Variants in ASB3 observed in about 807,000 individuals in gnomAD.
The protein encoded by ASB3 is ankyrin repeat and SOCS box protein 3.
In ASB3, 41 loss-of-function variants were observed where a neutral mutation model predicts 54.5. That is an observed-to-expected ratio of 0.75 (90% CI 0.59 to 0.98). ASB3 has a LOEUF of 0.98. Ranked by LOEUF, ASB3 falls within the 50% of genes least tolerant of loss-of-function variation. ASB3 has a pLI of 0.00. For synonymous variants in ASB3, 266 were observed against 221.2 expected (o/e 1.20, Z -1.80); for missense variants, 733 against 620.0 (o/e 1.18, Z -1.94).
chr2:53,721,212 G>C (rs1049797678), intron 5 of ASB3, among the ~76,000 whole-genome samples: 4 of 151,250 alleles, frequency 2.6e-5, no homozygotes, highest in Non-Finnish European at 5.9e-5. Flanking sequence ...AATAAAAATA[G>C]AAATCAATAC....
intron 8 of ASB3, among the ~76,000 whole-genome samples, chr2:53,697,690 C>T (rs549767001): frequency 2.0e-5 from 3 of 152,294 alleles, no homozygotes; most frequent in Admixed American, 6.5e-5. Flanking sequence ...GGAGACATAT[C>T]CAAGAAGCAA....
intron 2 of ASB3, among the ~76,000 whole-genome samples, chr2:53,755,964 A>G (rs951018011): frequency 1.3e-5 from 2 of 150,234 alleles, no homozygotes; most frequent in African/African-American, 4.9e-5. Flanking sequence ...ACCAACCTGG[A>G]CAAAATAGTA....
At chr2:53,780,566 G>A (rs1674589216) in intron 1 of ASB3, among the ~76,000 whole-genome samples, 1 of 152,120 alleles carries the variant, frequency 6.6e-6, no homozygotes, top group Non-Finnish European at 1.5e-5. Flanking sequence ...ATCACTTGAA[G>A]TCAGTAGTTT....
At chr2:53,686,651 C>T (rs1476993733) in intron 9 of ASB3, among the ~76,000 whole-genome samples, 1 of 140,816 alleles carries the variant, frequency 7.1e-6, no homozygotes, top group East Asian at 2.6e-4. Flanking sequence ...TGATCTCATA[C>T]TTAGAACATG....
chr2:53,712,756 A>G (rs1238485476), intron 7 of ASB3, among the ~76,000 whole-genome samples: 1 of 151,902 alleles, frequency 6.6e-6, no homozygotes, highest in East Asian at 1.9e-4. Flanking sequence ...ACACACACAC[A>G]CACACACACA....
Position 53,750,859 on chromosome 2 carries a change from T to C in ASB3, c.279A>G (p.Lys93=). The C allele has an allele frequency of 6.2e-7, 1 of 1,603,446 alleles. No individual in the cohort carries two copies. Among genetic ancestry groups the C allele is most frequent in the Non-Finnish European group, 8.5e-7 (1 of 1,174,800 alleles). Residue 93 remains lysine (K), a synonymous_variant, in exon 3 of 10, where the codon AAA becomes AAG. Coordinates refer to ENST00000263634, the MANE Select transcript of ASB3 (RefSeq NM_016115.5). ...CAGCTTCTAAAAGAATCTGTACGAT[T>C]TTCCAATGTCCTTGACTTGCAGCGA... is the stretch of plus-strand genomic sequence containing the variant. ...LHLAASQGHW[K]IVQILLEAGA...
At position 53,767,672 on chromosome 2, in the gene ASB3, C is replaced by A. The variant is rs941439636; in HGVS notation, c.-13-2087G>T. ...TTGCTTACTACACCGAAGGTCAATG[C>A]CTCTTGACACCCTAATCAAGGAAAT... On this transcript the variant is annotated intron_variant, in intron 1 of 9. Coordinates refer to ENST00000263634, the MANE Select transcript of ASB3 (RefSeq NM_016115.5). The A allele has an allele frequency of 2.7e-5, 16 of 587,486 alleles. No homozygotes were observed. The African/African-American group carries it at 3.0e-4, about 11-fold the overall frequency. The allele number at this position is 587,486 out of a possible 1,614,324, so 36.4% of individuals were successfully genotyped here. A position where few individuals can be genotyped will look rare whatever the true frequency, so the allele number is the denominator to read the frequency against.
intron 5 of ASB3, among the ~76,000 whole-genome samples, chr2:53,718,304 G>C (rs906985513): frequency 6.6e-6 from 1 of 151,966 alleles, no homozygotes; most frequent in African/African-American, 2.4e-5. Flanking sequence ...ACATACAAAA[G>C]GAACAGTGGA....
intron 9 of ASB3, among the ~76,000 whole-genome samples, chr2:53,671,424 C>T (rs1667812185): frequency 6.7e-6 from 1 of 148,920 alleles, no homozygotes; most frequent in Admixed American, 6.8e-5. Flanking sequence ...CAGCCAAAAG[C>T]TAACTACCAA....
At position 53,687,294 on chromosome 2, in the gene ASB3, T is replaced by TCC. The variant is rs1366974956; in HGVS notation, c.1369+6589_1369+6590insGG. Reference sequence around the variant, plus strand: ...ACAAAAACAAAAATCCCAGTCTGGCTCTTAAATCTAGAAATAAGGTAGAAT... The same window carrying TCC: ...ACAAAAACAAAAATCCCAGTCTGGCTCCCTTAAATCTAGAAATAAGGTAGAAT... On this transcript the variant is annotated intron_variant, in intron 9 of 9. Transcript: ENST00000263634. Among the ~76,000 whole-genome samples, 3 of 152,244 alleles carry TCC rather than the reference T, an allele frequency of 2.0e-5. No homozygotes were observed. The East Asian group carries it at 5.8e-4, about 29-fold the overall frequency.
intron 7 of ASB3, among the ~76,000 whole-genome samples, chr2:53,712,008 A>G (rs939597907): frequency 3.3e-5 from 5 of 152,202 alleles, no homozygotes; most frequent in African/African-American, 1.2e-4. Flanking sequence ...ACACAGAAAA[A>G]AATTCTACAG....
Position 53,686,619 on chromosome 2 carries a change from C to T in ASB3, c.1369+7265G>A, listed in dbSNP as rs568088990. 5.9e-5 allele frequency among the ~76,000 whole-genome samples: 9 copies of T among 151,952 alleles called. No individual in the cohort carries two copies. In the East Asian group the frequency reaches 7.8e-4, roughly 13 times the overall value. ...AAGTAGTTATGTGGAAAGAGTGGGA[C>T]GGGCTTTCAAACCAATACTGGTGAT... On this transcript the variant is annotated intron_variant, in intron 9 of 9. Coordinates refer to ENST00000263634, the MANE Select transcript of ASB3 (RefSeq NM_016115.5).
rs770071165 is a variant in ASB3, at chr2:53,714,397, C to T, written c.967G>A (p.Ala323Thr). Residue 323 changes from alanine (A) to threonine (T), a missense_variant, in exon 7 of 10, where the codon GCT becomes ACT. By Grantham distance (58) the Ala-to-Thr change is moderately conservative. Transcript: ENST00000263634. Reference sequence around the variant, plus strand: ...AAATATACATACTCCTTTTGGAAAGCCATGCACACAGGAGAACTGAATCCA... The same window carrying T: ...AAATATACATACTCCTTTTGGAAAGTCATGCACACAGGAGAACTGAATCCA... ...VFGFSSPVCMAFQKDCEFFGI... is the reference protein window; with the variant it reads ...VFGFSSPVCMTFQKDCEFFGI... 1.9e-6 allele frequency: 3 copies of T among 1,614,032 alleles called. No individual in the cohort carries two copies. The highest frequency in any genetic ancestry group is 2.5e-6 in the Non-Finnish European group (3 of 1,180,010).
At chr2:53,710,352 T>C (rs961259832) in intron 7 of ASB3, among the ~76,000 whole-genome samples, 1 of 152,272 alleles carries the variant, frequency 6.6e-6, no homozygotes, top group Non-Finnish European at 1.5e-5. Flanking sequence ...CCGTCTTTTT[T>C]ATAGTTTCTA....
At chr2:53,757,782 G>A (rs747855289) in intron 2 of ASB3, among the ~76,000 whole-genome samples, 3 of 152,272 alleles carry the variant, frequency 2.0e-5, no homozygotes, top group Non-Finnish European at 4.4e-5. Flanking sequence ...ACCCTTGCCA[G>A]GGCCCCAAGT....
At chr2:53,754,366 A>C (rs1672698951) in intron 2 of ASB3, among the ~76,000 whole-genome samples, 1 of 152,154 alleles carries the variant, frequency 6.6e-6, no homozygotes, top group African/African-American at 2.4e-5. Flanking sequence ...AGTGCAAGCC[A>C]CCCTTAGTGA....
chr2:53,777,379 A>G (rs1224813334), intron 1 of ASB3, among the ~76,000 whole-genome samples: 4 of 152,234 alleles, frequency 2.6e-5, no homozygotes, highest in Non-Finnish European at 4.4e-5. Flanking sequence ...CTAGTGATCA[A>G]GCATCCCATG....
At chr2:53,677,919 T>C (rs762970748) in intron 9 of ASB3, among the ~76,000 whole-genome samples, 5 of 152,228 alleles carry the variant, frequency 3.3e-5, no homozygotes, top group Non-Finnish European at 5.9e-5. Flanking sequence ...ATATTTTAAA[T>C]ATTTTCTTGA....
At chr2:53,703,322 G>T (rs1669593678) in intron 7 of ASB3, among the ~76,000 whole-genome samples, 1 of 152,216 alleles carries the variant, frequency 6.6e-6, no homozygotes, top group Non-Finnish European at 1.5e-5. Flanking sequence ...GATCTATACA[G>T]TAGTGGAGGA....
Sources: gnomAD v4.1 joint callset for allele counts (sites outside exome capture counted in the v4.1 genomes callset) on GRCh38, gnomAD v4.1.1 for gene constraint, MANE v1.5 for transcripts, NCBI Gene and HGNC (gene_info 2026-07-23, HGNC 2026-07-21) for gene names.